The following WDHD1 variants were observed in gnomAD, a reference collection of about 807,000 sequenced individuals.
WDHD1 encodes the protein WD repeat and HMG-box DNA binding protein 1, also known as WD repeat and HMG-box DNA-binding protein 1.
A neutral mutation model predicts 135.4 loss-of-function variants in WDHD1; 111 were observed. That is an observed-to-expected ratio of 0.82 (90% CI 0.70 to 0.96). The LOEUF (loss-of-function observed/expected upper bound fraction) is 0.96, where lower values mean the gene tolerates loss of function less well. Among genes scored for constraint, WDHD1 ranks in the 40% least tolerant of loss-of-function variants. The pLI, the probability that WDHD1 is intolerant of heterozygous loss-of-function variation, is 0.00. For missense variants in WDHD1, 1,351 were observed against 1,336.3 expected, an observed-to-expected ratio of 1.01 and a Z score of -0.17; for synonymous variants, 434 against 439.0, an observed-to-expected ratio of 0.99 and a Z score of 0.14.
chr14:55,007,619 T>C (rs1392833036), intron 6 of WDHD1, among the ~76,000 whole-genome samples: 2 of 152,208 alleles, frequency 1.3e-5, no homozygotes, highest in Non-Finnish European at 1.5e-5. Context: ...GATATACTCA[T>C]TGAATAATCA....
rs191866209 is a variant in WDHD1 at position 54,967,132 on chromosome 14, A to T, written c.2178+148T>A. On this transcript the variant is annotated intron_variant, in intron 17 of 25. Coordinates refer to ENST00000360586, the MANE Select transcript of WDHD1 (RefSeq NM_007086.4). The stretch of plus-strand genomic sequence containing the variant: ...GCAATCAGGTGGCCTGGTGATCCCA[A>T]GCAGTCCTCTTCCCTCCCTGCTACC... 95 of 591,262 alleles carry T rather than the reference A, an allele frequency of 1.6e-4. No individual in the cohort carries two copies. In the African/African-American group the frequency reaches 1.7e-3, roughly 11 times the overall value. The allele number at this position is 591,262 out of a possible 1,614,324, so 36.6% of individuals were successfully genotyped here. A position where few individuals can be genotyped will look rare whatever the true frequency, so the allele number is the denominator to read the frequency against.
Position 55,003,178 on chromosome 14 carries a change from A to G in WDHD1, c.601-993T>C, listed in dbSNP as rs559598743. On this transcript the variant is annotated intron_variant, in intron 7 of 25. Coordinates refer to ENST00000360586, the MANE Select transcript of WDHD1 (RefSeq NM_007086.4). ...AAAAAATACATACTACATTTCCTTGAGCTCAATTATCACTTAAATCTAGAA... is the reference window on the plus strand; with the variant it reads ...AAAAAATACATACTACATTTCCTTGGGCTCAATTATCACTTAAATCTAGAA... Among the ~76,000 whole-genome samples, 80 of 152,200 alleles carry G rather than the reference A, an allele frequency of 5.3e-4. 2 individuals are homozygous for G. In the South Asian group the frequency reaches 0.015, roughly 29 times the overall value.
At chr14:54,976,751 T>C (rs1297802483) in intron 16 of WDHD1, among the ~76,000 whole-genome samples, 1 of 151,016 alleles carries the variant, frequency 6.6e-6, no homozygotes, top group Non-Finnish European at 1.5e-5. Flanking sequence ...AAATAATAAA[T>C]AATAAATAAA....
At chr14:54,980,167 G>C (rs1161414297) in intron 16 of WDHD1, among the ~76,000 whole-genome samples, 1 of 151,122 alleles carries the variant, frequency 6.6e-6, no homozygotes. Flanking sequence ...TCTACAAAAA[G>C]TAGCTGGGTG....
In WDHD1 at chr14:54,947,026, G is replaced by A. The variant is rs149224386; in HGVS notation, c.3051-2556C>T. On this transcript the variant is annotated intron_variant, in intron 24 of 25. Transcript: ENST00000360586. ...CCAGTGGACTCCAGCCTTGGTGACA[G>A]GGCAAGACTGTCTCAAAAAAAGTGT... is the stretch of plus-strand genomic sequence containing the variant. Among the ~76,000 whole-genome samples the A allele has an allele frequency of 6.4e-3, 969 of 151,324 alleles. 12 individuals carry two copies. Among genetic ancestry groups the A allele is most frequent in the African/African-American group, 0.022 (906 of 41,204 alleles).
At chr14:54,972,159 C>T (rs2041445153) in intron 16 of WDHD1, among the ~76,000 whole-genome samples, 1 of 151,728 alleles carries the variant, frequency 6.6e-6, no homozygotes, top group South Asian at 2.1e-4. Context: ...CCTGTAGTCC[C>T]AGCTACTCAG....
At chr14:54,985,308 T>A (rs1013388442) in intron 14 of WDHD1, among the ~76,000 whole-genome samples, 1 of 152,288 alleles carries the variant, frequency 6.6e-6, no homozygotes, top group South Asian at 2.1e-4. Flanking sequence ...TCTCAGAAAG[T>A]AAAGTTTAAG....
At chr14:54,978,754 CT>C (rs1308597264) in intron 16 of WDHD1, among the ~76,000 whole-genome samples, 1 of 152,182 alleles carries the variant, frequency 6.6e-6, no homozygotes, top group Non-Finnish European at 1.5e-5. Flanking sequence ...GACTATATGT[CT>C]TTTCTTCTCA....
chr14:54,977,160 C>G (rs2041538957), intron 16 of WDHD1, among the ~76,000 whole-genome samples: 1 of 151,706 alleles, frequency 6.6e-6, no homozygotes, highest in Non-Finnish European at 1.5e-5. Context: ...TTAGTTTTCT[C>G]ATATGTAAAA....
chr14:54,960,700 T>A (rs1300446522), intron 21 of WDHD1, among the ~76,000 whole-genome samples: 2 of 151,304 alleles, frequency 1.3e-5, no homozygotes, highest in Non-Finnish European at 2.9e-5. Context: ...GAGATGTGGT[T>A]TCACCATTTT....
chr14:55,008,904 C>T (rs1001407771), intron 4 of WDHD1, among the ~76,000 whole-genome samples, 185 bp from the exon 5 acceptor site: 8 of 151,820 alleles, frequency 5.3e-5, no homozygotes, highest in Non-Finnish European at 1.2e-4. Flanking sequence ...TCAAGCGATT[C>T]TCCTGCCTCA....
intron 16 of WDHD1, among the ~76,000 whole-genome samples, chr14:54,973,030 C>T (rs1262136214): frequency 7.8e-6 from 1 of 127,944 alleles, no homozygotes; most frequent in Admixed American, 7.4e-5. Context: ...TAATTAATCA[C>T]AGAATGATTT....
At chr14:55,026,689 G>T (rs74359309) in intron 2 of WDHD1, 22 bp downstream of exon 2, 2 of 1,612,482 alleles carry the variant, frequency 1.2e-6, no homozygotes, top group South Asian at 2.2e-5. Flanking sequence ...CACCTAAAAC[G>T]TTGTTTCTCA....
intron 24 of WDHD1, among the ~76,000 whole-genome samples, chr14:54,946,207 T>C (rs1455959366): frequency 2.0e-5 from 3 of 152,184 alleles, no homozygotes; most frequent in Non-Finnish European, 4.4e-5. Flanking sequence ...AAAACCAAAA[T>C]TGAACATTTC....
At position 54,939,650 on chromosome 14, in the gene WDHD1, A is replaced by C. The variant is rs1321028606; in HGVS notation, c.*1840T>G. 6.6e-6 allele frequency: 1 copy of C among 152,054 alleles called. No individual in the cohort carries two copies. The highest frequency in any genetic ancestry group is 1.5e-5 in the Non-Finnish European group (1 of 68,004). 9.4% of individuals were successfully genotyped at this position (152,054 alleles called of 1,614,324 possible). A position where few individuals can be genotyped will look rare whatever the true frequency, so the allele number is the denominator to read the frequency against. On this transcript the variant is annotated 3_prime_UTR_variant, in exon 26 of 26. Transcript: ENST00000360586. ...ATTATATAGCAGAGAAATAAGGATA[A>C]TGTTTCTTGGTTTCAAAGTTCTGAT... is the stretch of plus-strand genomic sequence containing the variant.
chr14:55,027,083 G>A lies in WDHD1; in HGVS notation c.-72C>T. On this transcript the variant is annotated 5_prime_UTR_variant, in exon 1 of 26. Transcript: ENST00000360586. ...CCACAAGAGCTGCTTCCCGCGCTTC[G>A]GCTCGCTCACCACACTGCGCCTGCG... 2.6e-6 allele frequency: 1 copy of A among 389,944 alleles called. No homozygotes were observed. 24.2% of individuals were successfully genotyped at this position (389,944 alleles called of 1,614,324 possible).
intron 14 of WDHD1, among the ~76,000 whole-genome samples, chr14:54,985,789 T>C (rs2041686036): frequency 1.3e-5 from 2 of 152,164 alleles, no homozygotes; most frequent in Admixed American, 6.5e-5. Context: ...TGTTATTCCA[T>C]AGAATTGACA....
At chr14:54,989,916 G>T (rs570863019) in intron 12 of WDHD1, among the ~76,000 whole-genome samples, 8 of 152,202 alleles carry the variant, frequency 5.3e-5, no homozygotes, top group African/African-American at 1.9e-4. Flanking sequence ...AACCCACCTT[G>T]GCCTCCCAAA....
At chr14:55,022,020 T>C (rs967261319) in intron 2 of WDHD1, among the ~76,000 whole-genome samples, 1 of 152,232 alleles carries the variant, frequency 6.6e-6, no homozygotes, top group African/African-American at 2.4e-5. Flanking sequence ...AAGGCCTGTA[T>C]GAACTCCTCA....
Sources: allele counts gnomAD v4.1 joint callset (sites outside exome capture counted in the v4.1 genomes callset), GRCh38; gene constraint gnomAD v4.1.1; transcripts MANE v1.5; gene names NCBI Gene and HGNC (gene_info 2026-07-23, HGNC 2026-07-21).